CCDC7: variants seen among roughly 807,000 people sequenced by gnomAD.
The protein encoded by CCDC7 is coiled-coil domain-containing protein 7.
Under a neutral mutation model 196.9 loss-of-function variants are expected in CCDC7, and 183 were observed. The ratio of observed to expected loss-of-function variants is 0.93; its 90% CI spans 0.82 to 1.05. The LOEUF is 1.05. Among genes scored for constraint, CCDC7 ranks in the 50% least tolerant of loss-of-function variants. The pLI, the probability that CCDC7 is intolerant of heterozygous loss-of-function variation, is 0.00. For missense variants in CCDC7, 1,540 were observed against 1,482.2 expected (o/e 1.04, Z -0.64); for synonymous variants, 525 against 484.6 (o/e 1.08, Z -1.10).
intron 25 of CCDC7, among the ~76,000 whole-genome samples, chr10:32,724,110 C>T (rs1016283517): frequency 6.6e-6 from 1 of 152,096 alleles, no homozygotes; most frequent in Non-Finnish European, 1.5e-5. Flanking sequence ...ACCTGAAAAG[C>T]TTATATATAC....
At chr10:32,849,771 AGTT>A (rs1185130402) in intron 39 of CCDC7, among the ~76,000 whole-genome samples, 1 of 152,078 alleles carries the variant, frequency 6.6e-6, no homozygotes, top group Non-Finnish European at 1.5e-5. Context: ...CTAAGTATAA[AGTT>A]GTTAACTTGG....
At chr10:32,446,554 C>T (rs1250497854) in intron 1 of CCDC7, 157 bp downstream of exon 1, 1 of 152,192 alleles carries the variant, frequency 6.6e-6, no homozygotes, top group Non-Finnish European at 1.5e-5. Context: ...GCAAATCATC[C>T]TTTCCCTACG....
intron 32 of CCDC7, among the ~76,000 whole-genome samples, chr10:32,830,673 C>T (rs988074992): frequency 6.6e-6 from 1 of 151,940 alleles, no homozygotes; most frequent in African/African-American, 2.4e-5. Context: ...GAAATTCTAG[C>T]GTTGATAGTA....
At chr10:32,789,336 A>G (rs778330514) in intron 29 of CCDC7, among the ~76,000 whole-genome samples, 1 of 152,122 alleles carries the variant, frequency 6.6e-6, no homozygotes, top group Non-Finnish European at 1.5e-5. Context: ...GAGAAAACAG[A>G]CAACTAAGAA....
chr10:32,771,465 T>C (rs569750240), intron 28 of CCDC7, among the ~76,000 whole-genome samples: 1 of 152,356 alleles, frequency 6.6e-6, no homozygotes, highest in East Asian at 1.9e-4. Context: ...CAATCCCTTC[T>C]GGCTAATATG....
At chr10:32,615,999 T>C (rs1343142562) in intron 18 of CCDC7, among the ~76,000 whole-genome samples, 1 of 152,124 alleles carries the variant, frequency 6.6e-6, no homozygotes, top group Non-Finnish European at 1.5e-5. Flanking sequence ...TTGTTCTTTA[T>C]TCTCTTCCAT....
chr10:32,644,760 C>T (rs1482236317), intron 20 of CCDC7, among the ~76,000 whole-genome samples: 2 of 152,166 alleles, frequency 1.3e-5, no homozygotes, highest in Non-Finnish European at 2.9e-5. Flanking sequence ...TGGCTGCCAC[C>T]ATGTGAGACG....
At chr10:32,448,569 A>G (rs925414374), upstream of CCDC7, among the ~76,000 whole-genome samples, 1 of 151,956 alleles carries the variant, frequency 6.6e-6, no homozygotes, top group Middle Eastern at 3.2e-3. Context: ...TTTATATTTT[A>G]TTCTCTAAAA....
At chr10:32,628,524 T>G (rs1286344680) in intron 18 of CCDC7, among the ~76,000 whole-genome samples, 1 of 152,000 alleles carries the variant, frequency 6.6e-6, no homozygotes, top group Non-Finnish European at 1.5e-5. Context: ...TAATCTTTAT[T>G]ATTTCCTTTT....
At chr10:32,760,296 G>A (rs77585081) in intron 28 of CCDC7, among the ~76,000 whole-genome samples, 51,894 of 152,024 alleles carry the variant, frequency 0.34, 11,294 homozygotes, top group Non-Finnish European at 0.49. Flanking sequence ...ACATGCACAT[G>A]TATGTTTATT....
intron 28 of CCDC7, among the ~76,000 whole-genome samples, chr10:32,748,103 A>G (rs761083008): frequency 6.6e-5 from 10 of 152,212 alleles, no homozygotes; most frequent in Non-Finnish European, 1.2e-4. Context: ...AAGCAAATTA[A>G]TGCAGGAACA....
intron 28 of CCDC7, among the ~76,000 whole-genome samples, chr10:32,758,390 A>C (rs1471658640): frequency 6.6e-6 from 1 of 152,040 alleles, no homozygotes; most frequent in South Asian, 2.1e-4. Flanking sequence ...CACATCAAAA[A>C]CTTATCCACC....
chr10:32,805,945 A>C (rs773925066), intron 30 of CCDC7, among the ~76,000 whole-genome samples: 4 of 152,200 alleles, frequency 2.6e-5, no homozygotes, highest in Non-Finnish European at 5.9e-5. Flanking sequence ...CAGAAAGTAA[A>C]GCAGAACAGG....
chr10:32,724,723 C>G (rs748369731), intron 25 of CCDC7, among the ~76,000 whole-genome samples: 26 of 152,070 alleles, frequency 1.7e-4, no homozygotes, highest in Non-Finnish European at 3.4e-4. Context: ...CCAGAGTCCC[C>G]TTAATAATAC....
At chr10:32,695,865 C>T (rs1311973002) in intron 24 of CCDC7, among the ~76,000 whole-genome samples, 1 of 152,128 alleles carries the variant, frequency 6.6e-6, no homozygotes, top group African/African-American at 2.4e-5. Flanking sequence ...GTCATAGTAT[C>T]AGGTAACAGC....
At chr10:32,614,207 T>C (rs2062507589) in intron 18 of CCDC7, among the ~76,000 whole-genome samples, 1 of 152,170 alleles carries the variant, frequency 6.6e-6, no homozygotes, top group Non-Finnish European at 1.5e-5. Context: ...AAGACTGTTT[T>C]ATCAGAGACT....
At chr10:32,728,304 C>T (rs2083420265) in intron 26 of CCDC7, among the ~76,000 whole-genome samples, 1 of 152,064 alleles carries the variant, frequency 6.6e-6, no homozygotes, top group Non-Finnish European at 1.5e-5. Context: ...CCATGAGTCT[C>T]AATACTTTGC....
intron 13 of CCDC7, among the ~76,000 whole-genome samples, chr10:32,564,410 A>G (rs2056393919): frequency 1.3e-5 from 2 of 152,244 alleles, no homozygotes; most frequent in African/African-American, 4.8e-5. Flanking sequence ...CCACATGTCC[A>G]ACAACGATAG....
intron 18 of CCDC7, among the ~76,000 whole-genome samples, chr10:32,598,126 AC>A (rs922979396): frequency 6.6e-6 from 1 of 151,832 alleles, no homozygotes; most frequent in African/African-American, 2.4e-5. Flanking sequence ...AGGCAGGCAG[AC>A]CTCCTTGGGC....
Sources: gnomAD v4.1 joint callset for allele counts (sites outside exome capture counted in the v4.1 genomes callset) on GRCh38, gnomAD v4.1.1 for gene constraint, MANE v1.5 for transcripts, NCBI Gene and HGNC (gene_info 2026-07-23, HGNC 2026-07-21) for gene names.